DST: variants seen among roughly 807,000 people sequenced by gnomAD.
The protein encoded by DST is dystonin.
A neutral mutation model predicts 875.2 loss-of-function variants in DST; 253 were observed. The observed-to-expected ratio is 0.29, with a 90% CI of 0.26 to 0.32. The LOEUF is 0.32. DST is among the 10% of genes least tolerant of loss of function. The pLI is 1.00. For missense variants in DST, 8,287 were observed against 9,111.6 expected (o/e 0.91, Z 3.68); for synonymous variants, 3,124 against 3,197.1 (o/e 0.98, Z 0.77).
At chr6:56,756,579 T>A (rs1166614724) in intron 4 of DST, among the ~76,000 whole-genome samples, 2 of 152,126 alleles carry the variant, frequency 1.3e-5, no homozygotes, top group East Asian at 3.9e-4. Flanking sequence ...GCACAGTGTT[T>A]TCCCCAGAAA....
At chr6:56,907,583 C>T (rs1796967654) in intron 2 of DST, among the ~76,000 whole-genome samples, 1 of 152,156 alleles carries the variant, frequency 6.6e-6, no homozygotes, top group Non-Finnish European at 1.5e-5. Flanking sequence ...CTAACTCCAA[C>T]CAGTGCCCTT....
At position 56,606,491 on chromosome 6, in the gene DST, A is replaced by T; in HGVS notation, c.8137T>A (p.Ser2713Thr). 6.2e-7 allele frequency: 1 copy of T among 1,613,274 alleles called. No individual in the cohort carries two copies. Among genetic ancestry groups the T allele is most frequent in the South Asian group, 1.1e-5 (1 of 91,064 alleles). Reference sequence around the variant, plus strand: ...AGTGACTGTCCATTCACCTTATCTGAGCCAACAGGATTTAAATGTATTTTT... The same window carrying T: ...AGTGACTGTCCATTCACCTTATCTGTGCCAACAGGATTTAAATGTATTTTT... ...GEKIHLNPVG[S>T]DKVNGQSLET... Residue 2713 changes from serine to threonine, a missense_variant, in exon 40 of 104, where the codon TCA becomes ACA. Physicochemically the swap from Ser to Thr is moderately conservative, Grantham distance 58. Coordinates refer to ENST00000680361, the MANE Select transcript of DST (RefSeq NM_001374736.1).
intron 4 of DST, among the ~76,000 whole-genome samples, chr6:56,808,575 C>T (rs2099756059): frequency 1.3e-5 from 2 of 152,100 alleles, no homozygotes; most frequent in Admixed American, 1.3e-4. Context: ...ATAAAATTAT[C>T]CACAATTGAG....
chr6:56,544,958 T>C (rs997751518), intron 61 of DST, among the ~76,000 whole-genome samples: 1 of 152,162 alleles, frequency 6.6e-6, no homozygotes, highest in Non-Finnish European at 1.5e-5. Context: ...CTAATGTTAA[T>C]AAAATCAAGA....
chr6:56,650,303 A>C (rs2098967558), intron 12 of DST, among the ~76,000 whole-genome samples: 1 of 144,778 alleles, frequency 6.9e-6, no homozygotes, highest in African/African-American at 2.7e-5. Context: ...GAAATGCATA[A>C]GCACTTGTTA....
chr6:56,742,373 C>T (rs2152939264), intron 4 of DST: 1 of 1,289,316 alleles, frequency 7.8e-7, no homozygotes, highest in East Asian at 5.5e-5. Context: ...GTTCCCTAAA[C>T]TCTCTCCGTA....
At chr6:56,801,474 T>C (rs2099746771) in intron 4 of DST, among the ~76,000 whole-genome samples, 2 of 152,228 alleles carry the variant, frequency 1.3e-5, no homozygotes, top group African/African-American at 4.8e-5. Context: ...ATTTGCTTAA[T>C]ACATATTATT....
intron 73 of DST, 96 bp from the exon 74 acceptor site, chr6:56,509,969 G>T: frequency 1.0e-6 from 1 of 953,862 alleles, no homozygotes; most frequent in Non-Finnish European, 1.5e-6. Context: ...TTTAATGTCA[G>T]AATTAAGAAT....
At chr6:56,837,947 G>T (rs1042893503) in intron 4 of DST, among the ~76,000 whole-genome samples, 6 of 129,090 alleles carry the variant, frequency 4.6e-5, no homozygotes, top group Admixed American at 1.5e-4. Flanking sequence ...ATAAGAAGGG[G>T]TCTCATTTGA....
At chr6:56,838,704 C>T (rs2099796500) in intron 4 of DST, among the ~76,000 whole-genome samples, 1 of 152,168 alleles carries the variant, frequency 6.6e-6, no homozygotes, top group Non-Finnish European at 1.5e-5. Flanking sequence ...ACTAACAATA[C>T]CTAATAATTT....
intron 9 of DST, chr6:56,692,809 C>G: frequency 7.8e-7 from 1 of 1,289,848 alleles, no homozygotes; most frequent in Non-Finnish European, 1.0e-6. Context: ...GCTTACAGCA[C>G]TCGGCAGAAG....
chr6:56,741,036 A>T (rs1008656479), intron 4 of DST, among the ~76,000 whole-genome samples: 1 of 152,200 alleles, frequency 6.6e-6, no homozygotes, highest in South Asian at 2.1e-4. Flanking sequence ...TTAACAAAAT[A>T]GATTTCTTCT....
chr6:56,731,694 C>T (rs185410733), intron 5 of DST, among the ~76,000 whole-genome samples: 1 of 152,252 alleles, frequency 6.6e-6, no homozygotes, highest in East Asian at 1.9e-4. Context: ...ATTATTTTTA[C>T]CAATCTCTTA....
intron 61 of DST, among the ~76,000 whole-genome samples, chr6:56,548,664 G>A (rs552612275): frequency 1.3e-5 from 2 of 152,218 alleles, no homozygotes; most frequent in South Asian, 4.2e-4. Flanking sequence ...GAATCGCCCT[G>A]CTATTCATTC....
chr6:56,564,876 G>A (rs2097634412), intron 55 of DST, among the ~76,000 whole-genome samples: 1 of 152,150 alleles, frequency 6.6e-6, no homozygotes, highest in South Asian at 2.1e-4. Flanking sequence ...TACGTTTATT[G>A]ATTGGGTATG....
At chr6:56,719,233 A>G (rs1261174887) in intron 5 of DST, among the ~76,000 whole-genome samples, 1 of 152,220 alleles carries the variant, frequency 6.6e-6, no homozygotes, top group Non-Finnish European at 1.5e-5. Context: ...AGTACATACA[A>G]CTGAAATACT....
At chr6:56,866,554 G>A (rs1040472577) in intron 3 of DST, among the ~76,000 whole-genome samples, 1 of 152,102 alleles carries the variant, frequency 6.6e-6, no homozygotes, top group Admixed American at 6.5e-5. Context: ...TGTGCTGTTA[G>A]GTCTCTGCTC....
Position 56,600,110 on chromosome 6 carries a change from C to T in DST, c.11653G>A (p.Asp3885Asn). The T allele has an allele frequency of 6.2e-7, 1 of 1,613,012 alleles. No individual in the cohort carries two copies. Among genetic ancestry groups the T allele is most frequent in the Non-Finnish European group, 8.5e-7 (1 of 1,179,234 alleles). The change falls in exon 45 of 104, where the codon GAT (aspartate) becomes AAT (asparagine). Residue 3885 changes from aspartate (D) to asparagine (N), a missense_variant. This residue lies in a region of DST where 3,138 missense variants were observed against 3,116.6 expected (regional missense o/e 1.01). Transcript: ENST00000680361. ...IGHQEAFMIG[D>N]GTVELKKYQS... ...TATTTCTTTAACTCAACTGTGCCATCTCCAATCATGAAGGCTTCTTGGTGA... is the reference window on the plus strand; with the variant it reads ...TATTTCTTTAACTCAACTGTGCCATTTCCAATCATGAAGGCTTCTTGGTGA...
At position 56,610,517 on chromosome 6, in the gene DST, A is replaced by C. The variant is rs371859960; in HGVS notation, c.5193T>G (p.Thr1731=). ...ERNELEKQVK[T]LQESYNLLFS... Reference sequence around the variant, plus strand: ...ATAATAAATTATAACTTTCCTGAAGAGTTTTCACTTGTTTTTCCAATTCAT... The same window carrying C: ...ATAATAAATTATAACTTTCCTGAAGCGTTTTCACTTGTTTTTCCAATTCAT... Residue 1731 remains threonine (T), a synonymous_variant, in exon 39 of 104, where the codon ACT becomes ACG. Coordinates refer to ENST00000680361, the MANE Select transcript of DST (RefSeq NM_001374736.1). 2 of 1,563,980 alleles carry C rather than the reference A, an allele frequency of 1.3e-6. No homozygotes were observed. Among genetic ancestry groups the C allele is most frequent in the Non-Finnish European group, 1.7e-6 (2 of 1,154,840 alleles).
Sources: allele counts gnomAD v4.1 joint callset (sites outside exome capture counted in the v4.1 genomes callset), GRCh38; gene constraint gnomAD v4.1.1; regional missense constraint gnomAD v4.1.1; transcripts MANE v1.5; gene names NCBI Gene and HGNC (gene_info 2026-07-23, HGNC 2026-07-21).